The following MAPRE3 variants were observed in gnomAD, a reference collection of about 807,000 sequenced individuals.
MAPRE3 encodes microtubule-associated protein RP/EB family member 3.
MAPRE3 carries 2 observed loss-of-function variants against 30.5 expected under a neutral mutation model. The observed-to-expected ratio is 0.07, with a 90% confidence interval of 0.03 to 0.21. The LOEUF is 0.21. Among genes scored for constraint, MAPRE3 ranks in the 10% least tolerant of loss-of-function variants. MAPRE3 has a pLI of 1.00. For missense variants in MAPRE3, 204 were observed against 351.8 expected (o/e 0.58, Z 3.36); for synonymous variants, 110 against 127.7 (o/e 0.86, Z 0.93).
chr2:27,004,807 G>A (rs1179874556), intron 1 of MAPRE3, among the ~76,000 whole-genome samples: 1 of 150,440 alleles, frequency 6.6e-6, no homozygotes, highest in African/African-American at 2.5e-5. Context: ...TAGATCTTTA[G>A]TAGAAGGCAT....
rs557869907 is a variant in MAPRE3 at position 26,984,672 on chromosome 2, C to A, written c.-8+13870C>A. 3.9e-5 allele frequency: 6 copies of A among 152,380 alleles called. 1 individual carries two copies. Among genetic ancestry groups the A allele is most frequent in the Middle Eastern group, 6.8e-3 (2 of 294 alleles). 9.4% of individuals were successfully genotyped at this position (152,380 alleles called of 1,614,324 possible). A position where few individuals can be genotyped will look rare whatever the true frequency, so the allele number is the denominator to read the frequency against. On this transcript the variant is annotated intron_variant, in intron 1 of 6. Coordinates refer to ENST00000233121, the MANE Select transcript of MAPRE3 (RefSeq NM_012326.4). ...CTCCCTCTTCCCACCAGATTACCAACCCTAAGCCCCTCCATACAGAAAGCT... is the reference window on the plus strand; with the variant it reads ...CTCCCTCTTCCCACCAGATTACCAAACCTAAGCCCCTCCATACAGAAAGCT...
chr2:26,978,101 G>A (rs945065149), intron 1 of MAPRE3, among the ~76,000 whole-genome samples: 1 of 152,182 alleles, frequency 6.6e-6, no homozygotes, highest in African/African-American at 2.4e-5. Flanking sequence ...TTTGGGTATG[G>A]CTGGCTGGAG....
chr2:27,007,813 G>C (rs895023875), intron 1 of MAPRE3, among the ~76,000 whole-genome samples: 4 of 152,182 alleles, frequency 2.6e-5, no homozygotes, highest in African/African-American at 9.7e-5. Context: ...ATCTACAACT[G>C]TAAAATATGC....
At chr2:26,996,194 C>T (rs1666456569) in intron 1 of MAPRE3, among the ~76,000 whole-genome samples, 1 of 148,632 alleles carries the variant, frequency 6.7e-6, no homozygotes, top group Non-Finnish European at 1.5e-5. Context: ...ACTCTGTTGC[C>T]CGGGCTGGAG....
chr2:26,993,050 T>G (rs1572751281), intron 1 of MAPRE3, among the ~76,000 whole-genome samples: 1 of 152,190 alleles, frequency 6.6e-6, no homozygotes, highest in African/African-American at 2.4e-5. Flanking sequence ...ATGTTTTAAC[T>G]GGAAGACCCT....
chr2:27,000,242 G>A (rs1298902467), intron 1 of MAPRE3, among the ~76,000 whole-genome samples: 1 of 152,212 alleles, frequency 6.6e-6, no homozygotes, highest in East Asian at 1.9e-4. Context: ...GACCAGGTGA[G>A]TACTGTGAGA....
chr2:26,977,688 C>T (rs1160897958), intron 1 of MAPRE3, among the ~76,000 whole-genome samples: 2 of 152,228 alleles, frequency 1.3e-5, no homozygotes, highest in South Asian at 2.1e-4. Flanking sequence ...CCTATGTAGA[C>T]ATAGGCTAGG....
At chr2:27,021,856 C>T (rs1415178249) in intron 1 of MAPRE3, among the ~76,000 whole-genome samples, 1 of 152,212 alleles carries the variant, frequency 6.6e-6, no homozygotes, top group East Asian at 1.9e-4. Context: ...GAAGCCTTCG[C>T]TGACCCTGCC....
intron 1 of MAPRE3, among the ~76,000 whole-genome samples, chr2:26,973,882 G>T (rs1184077659): frequency 1.3e-5 from 2 of 152,190 alleles, no homozygotes; most frequent in Non-Finnish European, 2.9e-5. Context: ...AAAACAGAAT[G>T]CATCTGCCCT....
intron 1 of MAPRE3, among the ~76,000 whole-genome samples, chr2:26,982,789 A>C (rs1666141744): frequency 1.3e-5 from 2 of 152,262 alleles, no homozygotes; most frequent in Admixed American, 6.5e-5. Flanking sequence ...CTGGGGCTCA[A>C]CAAATAATTG....
At chr2:27,017,062 T>C (rs1244897404) in intron 1 of MAPRE3, among the ~76,000 whole-genome samples, 2 of 152,208 alleles carry the variant, frequency 1.3e-5, no homozygotes, top group Admixed American at 6.5e-5. Context: ...CCATGTTTAG[T>C]TCTACTTACA....
At chr2:26,974,783 G>A (rs1204013805) in intron 1 of MAPRE3, among the ~76,000 whole-genome samples, 1 of 152,212 alleles carries the variant, frequency 6.6e-6, no homozygotes, top group Non-Finnish European at 1.5e-5. Flanking sequence ...GTTTTACAGG[G>A]TTGTTGTGAA....
chr2:27,007,144 C>G (rs570137913), intron 1 of MAPRE3, among the ~76,000 whole-genome samples: 6 of 152,114 alleles, frequency 3.9e-5, no homozygotes, highest in Non-Finnish European at 8.8e-5. Context: ...TCTGGTTTTC[C>G]TTTACCTTGA....
rs1212287655 is a variant in MAPRE3, at chr2:27,001,843, C to T, written c.-7-20369C>T. On this transcript the variant is annotated intron_variant, in intron 1 of 6. Transcript: ENST00000233121. The stretch of plus-strand genomic sequence containing the variant: ...GGTGCGTGACTGTGTTTTCCCCCGG[C>T]TTCATGGACTGTAAACATCTTTCCA... Among the ~76,000 whole-genome samples the T allele has an allele frequency of 3.9e-5, 6 of 152,308 alleles. No individual in the cohort carries two copies. The East Asian group carries it at 9.6e-4, about 24-fold the overall frequency.
In MAPRE3 at chr2:27,025,914, A is replaced by G. The variant is rs1572777214; in HGVS notation, c.659A>G (p.Glu220Gly). The G allele has an allele frequency of 6.2e-7, 1 of 1,614,214 alleles. No individual in the cohort carries two copies. The highest frequency in any genetic ancestry group is 8.5e-7 in the Non-Finnish European group (1 of 1,180,040). ...TTGAAGCTGACAGTGGATGGGCTGG[A>G]GAAGGAACGTGACTTCTACTTCAGC... ...VDLKLTVDGLEKERDFYFSKL... is the reference protein window; with the variant it reads ...VDLKLTVDGLGKERDFYFSKL... Residue 220 changes from glutamate (E) to glycine (G), a missense_variant, in exon 6 of 7, where the codon GAG becomes GGG. By Grantham distance (98) the Glu-to-Gly change is moderately conservative. Coordinates refer to ENST00000233121, the MANE Select transcript of MAPRE3 (RefSeq NM_012326.4).
rs145294178 is a variant in MAPRE3, at chr2:27,023,370, G to A, written c.160G>A (p.Gly54Ser). Residue 54 changes from glycine to serine, a missense_variant, in exon 3 of 7, where the codon GGC becomes AGC. Physicochemically the swap from Gly to Ser is moderately conservative, Grantham distance 56. Around this residue, in one of 5 missense-constraint regions of MAPRE3, gnomAD observed 101 missense variants for 205.4 expected, o/e 0.49. Coordinates refer to ENST00000233121, the MANE Select transcript of MAPRE3 (RefSeq NM_012326.4). ...YCQFMDMLFP[G>S]CVHLRKVKFQ... ...CCAGTTCATGGACATGCTCTTCCCC[G>A]GCTGTGTGCACTTGAGGAAAGTGAA... 2.5e-5 allele frequency: 40 copies of A among 1,611,290 alleles called. No homozygotes were observed. Among genetic ancestry groups the A allele is most frequent in the African/African-American group, 8.0e-5 (6 of 74,876 alleles).
At position 27,025,860 on chromosome 2, in the gene MAPRE3, A is replaced by G. The variant is rs749795576; in HGVS notation, c.625-20A>G. 1.2e-6 allele frequency: 2 copies of G among 1,614,148 alleles called. No homozygotes were observed. Among genetic ancestry groups the G allele is most frequent in the East Asian group, 2.2e-5 (1 of 44,872 alleles). Reference sequence around the variant, plus strand: ...TGAGGTGGGGACCTCTGGCTTGAACATCACTTTGTCCCCAAGCAGCTGGTG... The same window carrying G: ...TGAGGTGGGGACCTCTGGCTTGAACGTCACTTTGTCCCCAAGCAGCTGGTG... On this transcript the variant is annotated intron_variant, in intron 5 of 6. Transcript: ENST00000233121.
At chr2:26,996,312 G>T (rs1475754614) in intron 1 of MAPRE3, among the ~76,000 whole-genome samples, 6 of 151,730 alleles carry the variant, frequency 4.0e-5, no homozygotes, top group African/African-American at 9.7e-5. Context: ...GCACCACCTT[G>T]CCCCACTAAT....
In MAPRE3 at chr2:27,023,396, G is replaced by A. The variant is rs759191059; in HGVS notation, c.186G>A (p.Lys62=). The A allele has an allele frequency of 6.2e-7, 1 of 1,614,002 alleles. No individual in the cohort carries two copies. The highest frequency in any genetic ancestry group is 8.5e-7 in the Non-Finnish European group (1 of 1,179,878). Residue 62 remains lysine, a synonymous_variant, in exon 3 of 7, where the codon AAG becomes AAA. Transcript: ENST00000233121. ...GCTGTGTGCACTTGAGGAAAGTGAA[G>A]TTCCAGGCCAAACTAGAGCACGAAT... is the stretch of plus-strand genomic sequence containing the variant. ...FPGCVHLRKV[K]FQAKLEHEYI...
Sources: allele counts gnomAD v4.1 joint callset (sites outside exome capture counted in the v4.1 genomes callset), GRCh38; gene constraint gnomAD v4.1.1; regional missense constraint gnomAD v4.1.1; transcripts MANE v1.5; gene names NCBI Gene and HGNC (gene_info 2026-07-23, HGNC 2026-07-21).